NRG2: variants seen among roughly 807,000 people sequenced by gnomAD.
NRG2 encodes the protein pro-neuregulin-2, membrane-bound isoform.
Under a neutral mutation model 73.9 loss-of-function variants are expected in NRG2, and 27 were observed. The ratio of observed to expected loss-of-function variants is 0.37; its 90% confidence interval spans 0.27 to 0.50. The LOEUF is 0.50. NRG2 is among the 20% of genes least tolerant of loss of function. The pLI is 0.96. For synonymous variants in NRG2, 532 were observed against 541.0 expected, an observed-to-expected ratio of 0.98 and a Z score of 0.23; for missense variants, 1,126 against 1,210.1, an observed-to-expected ratio of 0.93 and a Z score of 1.03.
intron 1 of NRG2, among the ~76,000 whole-genome samples, chr5:139,928,569 C>G (rs1169639573): frequency 3.3e-5 from 5 of 152,192 alleles, no homozygotes; most frequent in African/African-American, 4.8e-5. Context: ...TTCCTACTCT[C>G]CACTCAAGGA....
At chr5:139,941,259 G>A (rs1753379570) in intron 1 of NRG2, among the ~76,000 whole-genome samples, 1 of 151,862 alleles carries the variant, frequency 6.6e-6, no homozygotes, top group Non-Finnish European at 1.5e-5. Context: ...ATTTTTTGTG[G>A]GTATTTGCAC....
At chr5:139,881,199 G>A (rs929504982) in intron 2 of NRG2, among the ~76,000 whole-genome samples, 11 of 152,186 alleles carry the variant, frequency 7.2e-5, no homozygotes, top group African/African-American at 2.7e-4. Context: ...GGCAGGACTA[G>A]TGGCTGCTCA....
In NRG2 at chr5:139,997,153, A is replaced by T. The variant is rs186072285; in HGVS notation, c.700+45217T>A. Among the ~76,000 whole-genome samples the T allele has an allele frequency of 6.2e-4, 94 of 152,326 alleles. No individual in the cohort carries two copies. The South Asian group carries it at 0.011, about 17-fold the overall frequency. ...ATGAGATCCTGTGTCACCACAAAAT[A>T]AATAAATAAAAAATGGAAATAAAAA... is the stretch of plus-strand genomic sequence containing the variant. On this transcript the variant is annotated intron_variant, in intron 1 of 9. Transcript: ENST00000361474.
intron 1 of NRG2, among the ~76,000 whole-genome samples, chr5:139,960,758 G>A (rs1191387320): frequency 6.6e-6 from 1 of 152,166 alleles, no homozygotes; most frequent in African/African-American, 2.4e-5. Flanking sequence ...GAATAAACAG[G>A]TAGATGCCTA....
chr5:139,957,173 C>G (rs1190348834), intron 1 of NRG2, among the ~76,000 whole-genome samples: 3 of 152,122 alleles, frequency 2.0e-5, no homozygotes, highest in Non-Finnish European at 4.4e-5. Context: ...GGTTACATAG[C>G]TTTGGGCTGC....
intron 1 of NRG2, among the ~76,000 whole-genome samples, chr5:139,936,776 A>C (rs1031070064): frequency 2.0e-5 from 3 of 152,186 alleles, no homozygotes; most frequent in African/African-American, 7.2e-5. Flanking sequence ...TCAGGAAATA[A>C]AGATTTTTAA....
intron 1 of NRG2, among the ~76,000 whole-genome samples, chr5:139,969,857 A>G (rs1463489522): frequency 1.3e-5 from 2 of 152,200 alleles, no homozygotes; most frequent in Non-Finnish European, 2.9e-5. Flanking sequence ...GAACAATTCC[A>G]TGCCTCCCAT....
At chr5:139,866,674 C>A (rs1359746354) in intron 4 of NRG2, among the ~76,000 whole-genome samples, 1 of 152,194 alleles carries the variant, frequency 6.6e-6, no homozygotes, top group Non-Finnish European at 1.5e-5. Flanking sequence ...TCCATCACTG[C>A]CTGGACCTGC....
chr5:140,009,830 A>G (rs1759210746), intron 1 of NRG2, among the ~76,000 whole-genome samples: 2 of 152,352 alleles, frequency 1.3e-5, no homozygotes, highest in South Asian at 4.1e-4. Flanking sequence ...TTAAATGCAT[A>G]TTACTAAATG....
At position 139,954,075 on chromosome 5, in the gene NRG2, G is replaced by A. The variant is rs77086447; in HGVS notation, c.701-66564C>T. ...CAGGGTGTGGGGGTGGCTGGAAGCT[G>A]AAAAAAAGAGACCCAGGGAGGGGTG... is the stretch of plus-strand genomic sequence containing the variant. On this transcript the variant is annotated intron_variant, in intron 1 of 9. Coordinates refer to ENST00000361474, the MANE Select transcript of NRG2 (RefSeq NM_004883.3). This position sits in a 1 kb window ranked among gnomAD's most constrained non-coding sequence, Gnocchi z 5.0. Among the ~76,000 whole-genome samples, 177 of 152,066 alleles carry A rather than the reference G, an allele frequency of 1.2e-3. No homozygotes were observed. The highest frequency in any genetic ancestry group is 3.5e-3 in the African/African-American group (145 of 41,504).
chr5:139,887,652 C>T lies in NRG2; in HGVS notation c.701-141G>A. On this transcript the variant is annotated intron_variant, in intron 1 of 9. Coordinates refer to ENST00000361474, the MANE Select transcript of NRG2 (RefSeq NM_004883.3). This position sits in a 1 kb window ranked among gnomAD's most constrained non-coding sequence, Gnocchi z 4.5. Reference sequence around the variant, plus strand: ...TCCTGAGAGCCACCCCTCCTAGTGTCATTTCCTAGTTCAATTCAATAAGCA... The same window carrying T: ...TCCTGAGAGCCACCCCTCCTAGTGTTATTTCCTAGTTCAATTCAATAAGCA... The T allele has an allele frequency of 3.0e-6, 2 of 663,064 alleles. No individual in the cohort carries two copies. 41.1% of individuals were successfully genotyped at this position (663,064 alleles called of 1,614,324 possible).
rs566312552 is a variant in NRG2, at chr5:139,852,756, A to G, written c.1416+148T>C. The G allele has an allele frequency of 1.4e-6, 2 of 1,458,656 alleles. No individual in the cohort carries two copies. 90.4% of individuals were successfully genotyped at this position (1,458,656 alleles called of 1,614,324 possible). A position where few individuals can be genotyped will look rare whatever the true frequency, so the allele number is the denominator to read the frequency against. ...CTTCCTCATGGAAGTGAGCAAACCA[A>G]GGCCAGCCATCCTGGTGAGGCAGTG... On this transcript the variant is annotated intron_variant, in intron 7 of 9. Transcript: ENST00000361474. This position sits in a 1 kb window ranked among gnomAD's most constrained non-coding sequence, Gnocchi z 4.4.
chr5:139,935,859 C>T (rs1752808634), intron 1 of NRG2, among the ~76,000 whole-genome samples: 1 of 150,560 alleles, frequency 6.6e-6, no homozygotes, highest in Non-Finnish European at 1.5e-5. Flanking sequence ...CTCTGGAGGC[C>T]GAGGCACAAG....
chr5:140,020,585 T>G (rs1332645664), intron 1 of NRG2, among the ~76,000 whole-genome samples: 1 of 152,196 alleles, frequency 6.6e-6, no homozygotes, highest in Non-Finnish European at 1.5e-5. Context: ...CAAGCTAACC[T>G]TTTGCTTCCA....
chr5:140,034,292 A>G (rs957255783), intron 1 of NRG2, among the ~76,000 whole-genome samples: 1 of 151,660 alleles, frequency 6.6e-6, no homozygotes, highest in Non-Finnish European at 1.5e-5. Context: ...GGGTCCATCC[A>G]GAGCTCAAGC....
chr5:140,032,189 G>A (rs1278179647), intron 1 of NRG2, among the ~76,000 whole-genome samples: 1 of 152,212 alleles, frequency 6.6e-6, no homozygotes, highest in African/African-American at 2.4e-5. Context: ...CAGATTAAGA[G>A]TGTAGCTAGG....
chr5:139,987,449 G>A (rs1757256007), intron 1 of NRG2, among the ~76,000 whole-genome samples: 1 of 151,944 alleles, frequency 6.6e-6, no homozygotes, highest in Non-Finnish European at 1.5e-5. Context: ...CCAAGGCAGG[G>A]GTCCAGTGCT....
Position 139,880,931 on chromosome 5 carries a change from C to A in NRG2, c.916G>T (p.Ala306Ser). The change falls in exon 3 of 10, where the codon GCT becomes TCT. Residue 306 changes from alanine (A) to serine (S), a missense_variant. Ala to Ser is a moderately conservative substitution (Grantham distance 99). Around this residue, in one of 3 missense-constraint regions of NRG2, gnomAD observed 539 missense variants for 703.2 expected, o/e 0.77. Coordinates refer to ENST00000361474, the MANE Select transcript of NRG2 (RefSeq NM_004883.3). ...TCGGCCTCGCAGACATACTCCCCAGCGTCCTCCACCTTCACCTTGTTGAAC... is the reference window on the plus strand; with the variant it reads ...TCGGCCTCGCAGACATACTCCCCAGAGTCCTCCACCTTCACCTTGTTGAAC... ...LQFNKVKVED[A>S]GEYVCEAENI... 1 of 1,614,180 alleles carries A rather than the reference C, an allele frequency of 6.2e-7. No homozygotes were observed. The highest frequency in any genetic ancestry group is 8.5e-7 in the Non-Finnish European group (1 of 1,180,012).
At chr5:139,911,045 C>A (rs1765532587) in intron 1 of NRG2, among the ~76,000 whole-genome samples, 1 of 151,858 alleles carries the variant, frequency 6.6e-6, no homozygotes, top group African/African-American at 2.4e-5. Context: ...AGCCAAGCAG[C>A]AATGGGAGAG....
Sources: gnomAD v4.1 joint callset for allele counts (sites outside exome capture counted in the v4.1 genomes callset) on GRCh38, gnomAD v4.1.1 for gene constraint, gnomAD v4.1.1 regional missense constraint, Gnocchi (gnomAD v3.1) non-coding constraint, MANE v1.5 for transcripts, NCBI Gene and HGNC (gene_info 2026-07-23, HGNC 2026-07-21) for gene names.